MINDY4: variants seen among roughly 807,000 people sequenced by gnomAD.
The protein encoded by MINDY4 is MINDY lysine 48 deubiquitinase 4, also known as probable ubiquitin carboxyl-terminal hydrolase MINDY-4.
A neutral mutation model predicts 87.0 loss-of-function variants in MINDY4; 68 were observed. The ratio of observed to expected loss-of-function variants is 0.78; its 90% CI spans 0.64 to 0.96. The LOEUF (loss-of-function observed/expected upper bound fraction) is 0.96, where lower values mean the gene tolerates loss of function less well. MINDY4 is among the 40% of genes least tolerant of loss of function. MINDY4 has a pLI of 0.00. For missense variants in MINDY4, 919 were observed against 928.2 expected (o/e 0.99, Z 0.13); for synonymous variants, 379 against 363.2 (o/e 1.04, Z -0.50).
intron 17 of MINDY4, among the ~76,000 whole-genome samples, chr7:30,888,702 C>T (rs1021103333): frequency 6.6e-6 from 1 of 152,228 alleles, no homozygotes; most frequent in African/African-American, 2.4e-5. Context: ...ATGGCTCAGC[C>T]CTTTCAATTT....
At chr7:30,852,709 A>G (rs1398725709) in intron 11 of MINDY4, among the ~76,000 whole-genome samples, 1 of 152,246 alleles carries the variant, frequency 6.6e-6, no homozygotes, top group Non-Finnish European at 1.5e-5. Flanking sequence ...ATAAAGCCAG[A>G]TCTAAGTCAT....
intron 1 of MINDY4, among the ~76,000 whole-genome samples, chr7:30,773,860 C>T (rs1324718851): frequency 6.6e-6 from 1 of 152,206 alleles, no homozygotes; most frequent in East Asian, 1.9e-4. Context: ...TTCACAGTCC[C>T]TCGGGCCTAC....
intron 6 of MINDY4, among the ~76,000 whole-genome samples, chr7:30,835,963 C>T (rs1360488329): frequency 1.3e-5 from 2 of 152,326 alleles, no homozygotes; most frequent in Non-Finnish European, 2.9e-5. Context: ...CTTACGGTCC[C>T]TGCTGGAGGT....
chr7:30,828,942 A>G (rs932082808), intron 6 of MINDY4, among the ~76,000 whole-genome samples: 4 of 148,716 alleles, frequency 2.7e-5, no homozygotes, highest in African/African-American at 1.0e-4. Context: ...CATCCTAGTA[A>G]GAAGACCAGT....
chr7:30,855,450 G>A (rs1789541586), intron 12 of MINDY4, among the ~76,000 whole-genome samples: 1 of 152,186 alleles, frequency 6.6e-6, no homozygotes, highest in South Asian at 2.1e-4. Context: ...GCCAGGAATG[G>A]GATCACCTGG....
chr7:30,856,513 A>C (rs1304688150), intron 12 of MINDY4, among the ~76,000 whole-genome samples: 3 of 151,790 alleles, frequency 2.0e-5, no homozygotes, highest in African/African-American at 7.3e-5. Flanking sequence ...CCAAATTTAC[A>C]CAGAGTTGGG....
chr7:30,887,666 G>A (rs1790671398), intron 17 of MINDY4, among the ~76,000 whole-genome samples: 1 of 152,214 alleles, frequency 6.6e-6, no homozygotes, highest in Admixed American at 6.5e-5. Flanking sequence ...AGCTGGCCTG[G>A]TGGGGGTCGT....
At chr7:30,860,248 G>C (rs753172535) in intron 13 of MINDY4, among the ~76,000 whole-genome samples, 1 of 152,080 alleles carries the variant, frequency 6.6e-6, no homozygotes, top group Admixed American at 6.5e-5. Context: ...CTTCTTTCCC[G>C]GCCTGGTTGG....
At chr7:30,800,774 A>G (rs1787624945) in intron 5 of MINDY4, among the ~76,000 whole-genome samples, 1 of 152,190 alleles carries the variant, frequency 6.6e-6, no homozygotes, top group South Asian at 2.1e-4. Context: ...GGGTCTCTGC[A>G]GCCTTGATAC....
At chr7:30,780,305 C>G (rs1402835951) in intron 2 of MINDY4, 1 of 152,188 alleles carries the variant, frequency 6.6e-6, no homozygotes, top group African/African-American at 2.4e-5. Flanking sequence ...AGTGAGACAA[C>G]TACCCAGAAA....
chr7:30,826,772 C>G (rs1013816154), intron 5 of MINDY4, among the ~76,000 whole-genome samples: 1 of 152,088 alleles, frequency 6.6e-6, no homozygotes. Context: ...CTTTGAGGCT[C>G]AGTGAAATAA....
intron 5 of MINDY4, among the ~76,000 whole-genome samples, chr7:30,821,460 A>G (rs1788326592): frequency 6.6e-6 from 1 of 152,170 alleles, no homozygotes; most frequent in African/African-American, 2.4e-5. Context: ...GCTATTGAGA[A>G]GTCTGCTGTA....
chr7:30,778,649 TCTC>T, intron 2 of MINDY4, 98 bp downstream of exon 2: 1 of 1,406,940 alleles, frequency 7.1e-7, no homozygotes, highest in Non-Finnish European at 1.0e-6. Context: ...GGCTTGAGGT[TCTC>T]CTGGCCTGTC....
chr7:30,882,140 C>A, intron 15 of MINDY4, 41 bp from the exon 16 acceptor site: 1 of 1,557,310 alleles, frequency 6.4e-7, no homozygotes, highest in Non-Finnish European at 8.7e-7. Flanking sequence ...GACCCCTTTC[C>A]CTGGGGACGG....
intron 5 of MINDY4, among the ~76,000 whole-genome samples, chr7:30,817,998 G>A (rs913686924): frequency 1.2e-4 from 18 of 152,186 alleles, no homozygotes; most frequent in African/African-American, 4.1e-4. Context: ...TTGGGTATGT[G>A]TGGGATGCTG....
intron 17 of MINDY4, among the ~76,000 whole-genome samples, chr7:30,883,752 A>G (rs1312598977): frequency 1.3e-5 from 2 of 152,136 alleles, no homozygotes; most frequent in Non-Finnish European, 2.9e-5. Flanking sequence ...TGAGAGGAGC[A>G]GCCCGGGAGG....
Position 30,869,647 on chromosome 7 carries a change from G to A in MINDY4, c.1746-2596G>A, listed in dbSNP as rs1790043164. Among the ~76,000 whole-genome samples the A allele has an allele frequency of 2.0e-5, 3 of 152,058 alleles. No homozygotes were observed. The South Asian group carries it at 6.2e-4, about 32-fold the overall frequency. ...GTGTCCAGATTTCCTCTTCTTCCAA[G>A]TCAGATTGCATTAGGGCCTACCCTA... On this transcript the variant is annotated intron_variant, in intron 13 of 17. Transcript: ENST00000265299.
intron 11 of MINDY4, among the ~76,000 whole-genome samples, chr7:30,852,562 G>C (rs897841053): frequency 6.7e-6 from 1 of 149,428 alleles, no homozygotes; most frequent in Non-Finnish European, 1.5e-5. Context: ...TAAGCCCCAG[G>C]CTTCCCTGTG....
intron 5 of MINDY4, among the ~76,000 whole-genome samples, chr7:30,820,910 A>G (rs1387881523): frequency 6.6e-6 from 1 of 152,250 alleles, no homozygotes; most frequent in African/African-American, 2.4e-5. Flanking sequence ...AGGAACTCCC[A>G]GACTGTTTTC....
Sources: allele counts gnomAD v4.1 joint callset (sites outside exome capture counted in the v4.1 genomes callset), GRCh38; gene constraint gnomAD v4.1.1; transcripts MANE v1.5; gene names NCBI Gene and HGNC (gene_info 2026-07-23, HGNC 2026-07-21).